Variants in PARD3 observed in about 807,000 individuals in gnomAD.
The protein encoded by PARD3 is par-3 family cell polarity regulator.
A neutral mutation model predicts 155.4 loss-of-function variants in PARD3; 75 were observed. The observed-to-expected ratio is 0.48, with a 90% CI of 0.40 to 0.58. The LOEUF (loss-of-function observed/expected upper bound fraction) is 0.58. Ranked by LOEUF, PARD3 falls within the 20% of genes least tolerant of loss-of-function variation. The probability of loss-of-function intolerance (pLI) is 0.00; values close to 1 mark genes in which losing one functional copy is unlikely to be tolerated. For synonymous variants in PARD3, 576 were observed against 610.5 expected, an observed-to-expected ratio of 0.94 and a Z score of 0.83; for missense variants, 1,642 against 1,721.7, an observed-to-expected ratio of 0.95 and a Z score of 0.82.
intron 7 of PARD3, 105 bp from the exon 8 acceptor site, chr10:34,384,359 A>C (rs747208994): frequency 5.7e-5 from 61 of 1,079,550 alleles, no homozygotes; most frequent in Non-Finnish European, 7.8e-5. Flanking sequence ...GTCCTTACAA[A>C]GGAGCATGTT....
At chr10:34,389,476 A>G (rs1041209288) in intron 7 of PARD3, among the ~76,000 whole-genome samples, 2 of 152,224 alleles carry the variant, frequency 1.3e-5, no homozygotes, top group African/African-American at 4.8e-5. Flanking sequence ...ATAAATTACA[A>G]CCAATGATAA....
chr10:34,500,009 C>A (rs146027961), intron 3 of PARD3, among the ~76,000 whole-genome samples: 157 of 152,342 alleles, frequency 1.0e-3, no homozygotes, highest in Non-Finnish European at 1.8e-3. Context: ...AAAGTCTGTA[C>A]ATGTTCAGTA....
chr10:34,406,041 C>A (rs1844434745), intron 5 of PARD3, among the ~76,000 whole-genome samples: 1 of 151,986 alleles, frequency 6.6e-6, no homozygotes, highest in Non-Finnish European at 1.5e-5. Flanking sequence ...GTACAAAATG[C>A]CAAGAGAACA....
chr10:34,230,080 C>T (rs571410091), intron 22 of PARD3, among the ~76,000 whole-genome samples: 11 of 152,212 alleles, frequency 7.2e-5, no homozygotes, highest in African/African-American at 2.7e-4. Flanking sequence ...ATATGAATAA[C>T]CTTTCCTTGC....
intron 7 of PARD3, among the ~76,000 whole-genome samples, chr10:34,389,431 C>T (rs914564749): frequency 5.3e-5 from 8 of 152,054 alleles, no homozygotes; most frequent in African/African-American, 1.9e-4. Context: ...TTAAAACAAA[C>T]GCAGTCACAC....
intron 3 of PARD3, among the ~76,000 whole-genome samples, chr10:34,477,090 C>T (rs1035722860): frequency 4.6e-5 from 7 of 152,136 alleles, no homozygotes; most frequent in Non-Finnish European, 1.0e-4. Context: ...TGATTTGCTA[C>T]GTTTCTGGGG....
chr10:34,716,478 T>A (rs771469446), intron 1 of PARD3, among the ~76,000 whole-genome samples: 1 of 151,920 alleles, frequency 6.6e-6, no homozygotes, highest in African/African-American at 2.4e-5. Flanking sequence ...ACTATAAACT[T>A]ATCAGATGGG....
chr10:34,755,690 CA>C (rs1564584725), intron 1 of PARD3, among the ~76,000 whole-genome samples: 1 of 152,006 alleles, frequency 6.6e-6, no homozygotes, highest in Non-Finnish European at 1.5e-5. Context: ...TATGGATACT[CA>C]AAGATTTGGC....
intron 2 of PARD3, among the ~76,000 whole-genome samples, chr10:34,644,355 A>G (rs2092770391): frequency 6.6e-6 from 1 of 152,198 alleles, no homozygotes; most frequent in Non-Finnish European, 1.5e-5. Flanking sequence ...ACTGCTTCAT[A>G]CAAGCAGCAG....
chr10:34,474,471 T>A (rs2078571030), intron 3 of PARD3, among the ~76,000 whole-genome samples: 1 of 152,168 alleles, frequency 6.6e-6, no homozygotes, highest in Admixed American at 6.6e-5. Context: ...TGCATGAAAA[T>A]TATAAGGCAT....
At chr10:34,807,882 A>G (rs1439329454) in intron 1 of PARD3, among the ~76,000 whole-genome samples, 2 of 152,264 alleles carry the variant, frequency 1.3e-5, no homozygotes, top group African/African-American at 2.4e-5. Context: ...AGTAATATTT[A>G]AATGGCAAAA....
intron 14 of PARD3, among the ~76,000 whole-genome samples, chr10:34,355,938 A>ACAAC (rs369831588): frequency 0.07 from 9,297 of 132,564 alleles, 533 homozygotes; most frequent in Non-Finnish European, 0.093. Flanking sequence ...AAAAAAAAAA[A>ACAAC]AAAAAAAACA....
intron 1 of PARD3, among the ~76,000 whole-genome samples, chr10:34,776,975 T>TA (rs976587982): frequency 6.6e-6 from 1 of 150,940 alleles, no homozygotes; most frequent in Non-Finnish European, 1.5e-5. Flanking sequence ...TAGCTGGACT[T>TA]ACAGGCATGT....
intron 14 of PARD3, among the ~76,000 whole-genome samples, chr10:34,352,426 G>C (rs1027231567): frequency 1.3e-5 from 2 of 152,038 alleles, no homozygotes; most frequent in Middle Eastern, 3.2e-3. Context: ...CTGCCATCTC[G>C]GCTCACTGCA....
intron 3 of PARD3, among the ~76,000 whole-genome samples, chr10:34,502,774 A>G (rs946331211): frequency 6.6e-6 from 1 of 152,160 alleles, no homozygotes; most frequent in Admixed American, 6.6e-5. Flanking sequence ...AAAAACAAAA[A>G]ACAACAACTT....
intron 7 of PARD3, among the ~76,000 whole-genome samples, chr10:34,393,590 T>C (rs1389491715): frequency 1.3e-5 from 2 of 148,930 alleles, no homozygotes; most frequent in Non-Finnish European, 3.0e-5. Context: ...AAAAAAAAGA[T>C]CCAGAGAAGA....
chr10:34,186,751 G>A (rs868651804), intron 22 of PARD3, among the ~76,000 whole-genome samples: 7 of 152,126 alleles, frequency 4.6e-5, no homozygotes, highest in Non-Finnish European at 7.4e-5. Flanking sequence ...GGACTCAGCC[G>A]TCTGTCTCTG....
chr10:34,413,739 A>G (rs1845367192), intron 5 of PARD3, among the ~76,000 whole-genome samples: 2 of 152,018 alleles, frequency 1.3e-5, no homozygotes, highest in South Asian at 4.1e-4. Context: ...TCACCCCTAT[A>G]TATGAGGATT....
At chr10:34,434,900 T>C (rs892190382) in intron 5 of PARD3, among the ~76,000 whole-genome samples, 1 of 152,182 alleles carries the variant, frequency 6.6e-6, no homozygotes, top group Admixed American at 6.5e-5. Context: ...CCAGCACATA[T>C]TCACATTCAC....
Sources: gnomAD v4.1 joint callset for allele counts (sites outside exome capture counted in the v4.1 genomes callset) on GRCh38, gnomAD v4.1.1 for gene constraint, MANE v1.5 for transcripts, NCBI Gene and HGNC (gene_info 2026-07-23, HGNC 2026-07-21) for gene names.